The following CDC25A variants were observed in gnomAD, a reference collection of about 807,000 sequenced individuals.
CDC25A encodes the protein M-phase inducer phosphatase 1.
In CDC25A, 17 loss-of-function variants were observed where a neutral mutation model predicts 64.6. The ratio of observed to expected loss-of-function variants is 0.26; its 90% CI spans 0.18 to 0.39. CDC25A has a LOEUF of 0.39. Among genes scored for constraint, CDC25A ranks in the 10% least tolerant of loss-of-function variants. The probability of loss-of-function intolerance (pLI) is 1.00; values close to 1 mark genes in which losing one functional copy is unlikely to be tolerated. For missense variants in CDC25A, 473 were observed against 654.8 expected, an observed-to-expected ratio of 0.72 and a Z score of 3.03; for synonymous variants, 229 against 238.6, an observed-to-expected ratio of 0.96 and a Z score of 0.37.
At chr3:48,159,149 C>T in intron 14 of CDC25A, 64 bp from the exon 15 acceptor site, 1 of 1,582,200 alleles carries the variant, frequency 6.3e-7, no homozygotes. Flanking sequence ...CTGGTTTCCT[C>T]TCTGCCTAGG....
chr3:48,180,712 A>G lies in CDC25A; in HGVS notation c.549+9T>C, dbSNP rs377264850. ...TCAGGAATTCCCCTATGAAAGCCAG[A>G]GCACATACCATCCGAGCTGGGGCAG... On this transcript the variant is annotated intron_variant, in intron 6 of 14. Transcript: ENST00000302506. The G allele has an allele frequency of 9.3e-6, 15 of 1,613,586 alleles. No individual in the cohort carries two copies. The African/African-American group carries it at 1.2e-4, about 13-fold the overall frequency.
rs763370839 is a variant in CDC25A at position 48,168,023 on chromosome 3, G to A, written c.931-79C>T. 2.5e-5 allele frequency: 21 copies of A among 829,178 alleles called. No individual in the cohort carries two copies. The African/African-American group carries it at 3.3e-4, about 13-fold the overall frequency. 51.4% of individuals were successfully genotyped at this position (829,178 alleles called of 1,614,324 possible). ...AAAACATTCACTTGGAGCATGTCTC[G>A]AGGAGACTAAAATGTTAATGCCTAC... On this transcript the variant is annotated intron_variant, in intron 9 of 14. Transcript: ENST00000302506.
chr3:48,187,842 C>A lies in CDC25A; in HGVS notation c.106G>T (p.Ala36Ser). The change falls in exon 1 of 15, where the codon GCC becomes TCC. Residue 36 changes from alanine (A) to serine (S), a missense_variant. Physicochemically the swap from Ala to Ser is moderately conservative, Grantham distance 99. This residue lies in a region of CDC25A where 376 missense variants were observed against 431.9 expected (regional missense o/e 0.87). Coordinates refer to ENST00000302506, the MANE Select transcript of CDC25A (RefSeq NM_001789.3). ...VVKALFGASA[A>S]GGLSPVTNLT... The stretch of plus-strand genomic sequence containing the variant: ...TTGGTGACAGGCGACAGTCCCCCGG[C>A]GGCTGAAGCGCCAAATAGCGCCTTC... 1 of 1,549,078 alleles carries A rather than the reference C, an allele frequency of 6.5e-7. No individual in the cohort carries two copies. The highest frequency in any genetic ancestry group is 8.7e-7 in the Non-Finnish European group (1 of 1,145,992).
intron 13 of CDC25A, among the ~76,000 whole-genome samples, chr3:48,162,651 T>C (rs1275507341): frequency 6.6e-6 from 1 of 151,236 alleles, no homozygotes; most frequent in African/African-American, 2.4e-5. Flanking sequence ...ATGGAGACCA[T>C]CCTGGCTAAA....
At chr3:48,174,498 A>G in intron 8 of CDC25A, 41 bp from the exon 9 acceptor site, 1 of 1,573,530 alleles carries the variant, frequency 6.4e-7, no homozygotes, top group Non-Finnish European at 8.6e-7. Context: ...TTTCATTAAA[A>G]CCTGTTCACT....
In CDC25A at chr3:48,177,961, C is replaced by T; in HGVS notation, c.577G>A (p.Glu193Lys). ...MLSSNERDSS[E>K]PGNFIPLFTP... ...AAAAGAGGAATGAAATTCCCTGGTT[C>T]ACTGCTATCTCTTTCATTTGAGGAA... The change falls in exon 7 of 15, where the codon GAA (glutamate) becomes AAA (lysine). Residue 193 changes from glutamate to lysine, a missense_variant. This residue lies in a region of CDC25A where 376 missense variants were observed against 431.9 expected (regional missense o/e 0.87). Transcript: ENST00000302506. 1.2e-6 allele frequency: 2 copies of T among 1,613,542 alleles called. No homozygotes were observed. The highest frequency in any genetic ancestry group is 3.3e-5 in the Admixed American group (2 of 59,950).
chr3:48,186,569 C>CAAAA, intron 2 of CDC25A, 134 bp downstream of exon 2: 17 of 383,600 alleles, frequency 4.4e-5, no homozygotes, highest in Admixed American at 9.6e-5. Context: ...AACTCTGTCT[C>CAAAA]AAAAAAAAAA....
intron 4 of CDC25A, 114 bp downstream of exon 4, chr3:48,183,686 A>T: frequency 1.4e-6 from 1 of 696,022 alleles, no homozygotes; most frequent in South Asian, 1.8e-5. Flanking sequence ...GTCTCAAAAG[A>T]GACTAAAGAA....
chr3:48,181,233 C>T (rs985346018), intron 5 of CDC25A, among the ~76,000 whole-genome samples: 2 of 151,588 alleles, frequency 1.3e-5, no homozygotes, highest in African/African-American at 4.9e-5. Context: ...TTCCTACCAA[C>T]TGGAGATAAT....
At chr3:48,170,025 A>C (rs2032209109) in intron 9 of CDC25A, among the ~76,000 whole-genome samples, 1 of 151,780 alleles carries the variant, frequency 6.6e-6, no homozygotes, top group South Asian at 2.1e-4. Flanking sequence ...AAAAACAAAC[A>C]AAAAAACACC....
Position 48,165,892 on chromosome 3 carries a change from C to T in CDC25A, c.1031G>A (p.Gly344Asp). ...PRDLIGDFSK[G>D]YLFHTVAGKH... Reference sequence around the variant, plus strand: ...CCCAGCAACTGTATGAAAGAGATAACCCTTAAAAAGAAAAAAAGATACTTA... The same window carrying T: ...CCCAGCAACTGTATGAAAGAGATAATCCTTAAAAAGAAAAAAAGATACTTA... The change falls in exon 11 of 15, where the codon GGT becomes GAT. Residue 344 changes from glycine to aspartate, a missense_variant and splice_region_variant. Gly to Asp is a moderately conservative substitution (Grantham distance 94). Coordinates refer to ENST00000302506, the MANE Select transcript of CDC25A (RefSeq NM_001789.3). 6.3e-7 allele frequency: 1 copy of T among 1,576,692 alleles called. No individual in the cohort carries two copies. The highest frequency in any genetic ancestry group is 8.7e-7 in the Non-Finnish European group (1 of 1,146,354).
intron 13 of CDC25A, among the ~76,000 whole-genome samples, chr3:48,160,668 G>A (rs1205337091): frequency 2.0e-5 from 3 of 152,110 alleles, no homozygotes; most frequent in Non-Finnish European, 2.9e-5. Context: ...TTCCATGAAG[G>A]CAGAGATTTT....
Position 48,158,928 on chromosome 3 carries a change from G to A in CDC25A, c.*17C>T, listed in dbSNP as rs1433327647. The A allele has an allele frequency of 6.2e-7, 1 of 1,613,796 alleles. No individual in the cohort carries two copies. ...ATGGAGGGAAGCTTGGGCTGCTGCTGGCTGGTCCTGCCGCCCTCAGAGCTT... is the reference window on the plus strand; with the variant it reads ...ATGGAGGGAAGCTTGGGCTGCTGCTAGCTGGTCCTGCCGCCCTCAGAGCTT... On this transcript the variant is annotated 3_prime_UTR_variant, in exon 15 of 15. Transcript: ENST00000302506.
At chr3:48,183,437 AT>A (rs2032738709) in intron 4 of CDC25A, among the ~76,000 whole-genome samples, 1 of 152,216 alleles carries the variant, frequency 6.6e-6, no homozygotes, top group Admixed American at 6.5e-5. Flanking sequence ...GCTCTTGCCT[AT>A]AATCCTAGCA....
chr3:48,187,702 C>G (rs537072881), intron 1 of CDC25A, 76 bp downstream of exon 1: 1 of 1,385,006 alleles, frequency 7.2e-7, no homozygotes, highest in Non-Finnish European at 9.7e-7. Flanking sequence ...TCTCCCGGTC[C>G]GTTTCCTGGC....
chr3:48,177,272 T>C (rs2032499054), intron 8 of CDC25A, 99 bp downstream of exon 8: 5 of 921,802 alleles, frequency 5.4e-6, no homozygotes, highest in Non-Finnish European at 8.8e-6. Flanking sequence ...CCCCAAATCC[T>C]ATCATGCATT....
At chr3:48,183,284 C>T (rs1314980061) in intron 4 of CDC25A, among the ~76,000 whole-genome samples, 2 of 152,164 alleles carry the variant, frequency 1.3e-5, no homozygotes, top group Admixed American at 1.3e-4. Flanking sequence ...ACAGGGATTA[C>T]AGTGCCAAAT....
At position 48,162,350 on chromosome 3, in the gene CDC25A, A is replaced by G. The variant is rs573620755; in HGVS notation, c.1322+1957T>C. Among the ~76,000 whole-genome samples, 5 of 151,794 alleles carry G rather than the reference A, an allele frequency of 3.3e-5. No homozygotes were observed. The South Asian group carries it at 1.0e-3, about 32-fold the overall frequency. On this transcript the variant is annotated intron_variant, in intron 13 of 14. Transcript: ENST00000302506. ...ACCTAGGCTGGAGTACAGTGGCATG[A>G]TCATGGCTCACCACAGCCTCGACCT...
At chr3:48,180,908 G>A (rs1575271739) in intron 5 of CDC25A, 68 bp from the exon 6 acceptor site, 35 of 1,545,806 alleles carry the variant, frequency 2.3e-5, no homozygotes, top group Non-Finnish European at 2.9e-5. Context: ...GGGTGAAAGA[G>A]GCAAGAAAGT....
Sources: allele counts gnomAD v4.1 joint callset (sites outside exome capture counted in the v4.1 genomes callset), GRCh38; gene constraint gnomAD v4.1.1; regional missense constraint gnomAD v4.1.1; transcripts MANE v1.5; gene names NCBI Gene and HGNC (gene_info 2026-07-23, HGNC 2026-07-21).